Variants in GPC6 observed in about 807,000 individuals in gnomAD.
The protein encoded by GPC6 is glypican 6.
Under a neutral mutation model 55.2 loss-of-function variants are expected in GPC6, and 14 were observed. The observed-to-expected ratio is 0.25, with a 90% CI of 0.17 to 0.40. GPC6 has a LOEUF of 0.40. Ranked by LOEUF, GPC6 falls within the 10% of genes least tolerant of loss-of-function variation. GPC6 has a pLI of 1.00. For synonymous variants in GPC6, 278 were observed against 259.6 expected (o/e 1.07, Z -0.68); for missense variants, 641 against 708.5 (o/e 0.90, Z 1.08).
intron 4 of GPC6, among the ~76,000 whole-genome samples, chr13:94,065,694 G>A (rs1388832688): frequency 6.6e-6 from 1 of 152,138 alleles, no homozygotes; most frequent in African/African-American, 2.4e-5. Context: ...TTATAGTCCT[G>A]GTTCCAATGT....
intron 3 of GPC6, among the ~76,000 whole-genome samples, chr13:93,864,907 TA>T (rs1403212881): frequency 1.3e-5 from 2 of 151,724 alleles, no homozygotes; most frequent in Non-Finnish European, 2.9e-5. Context: ...TTTTACAGTG[TA>T]AAATCTCATG....
intron 1 of GPC6, among the ~76,000 whole-genome samples, chr13:93,375,175 C>T (rs1379230957): frequency 6.6e-6 from 1 of 152,116 alleles, no homozygotes; most frequent in Non-Finnish European, 1.5e-5. Context: ...CCTAATTATT[C>T]TTCTTGATGT....
At chr13:93,435,165 A>C (rs2139280164) in intron 1 of GPC6, among the ~76,000 whole-genome samples, 1 of 152,200 alleles carries the variant, frequency 6.6e-6, no homozygotes, top group Admixed American at 6.5e-5. Context: ...CCCAGGCTGG[A>C]GTGCAGTGGT....
chr13:93,691,940 C>T (rs2138781717), intron 2 of GPC6, among the ~76,000 whole-genome samples: 1 of 152,114 alleles, frequency 6.6e-6, no homozygotes, highest in Non-Finnish European at 1.5e-5. Context: ...AATATATATA[C>T]TTCAGTACCT....
chr13:93,676,126 A>AAAAATATATAT (rs1881602576), intron 2 of GPC6, among the ~76,000 whole-genome samples: 2 of 15,682 alleles, frequency 1.3e-4, no homozygotes, highest in East Asian at 1.5e-3. Context: ...AAAAAAAAAA[A>AAAAATATATAT]ATATATATAT....
chr13:93,635,467 A>G (rs75144425), intron 2 of GPC6, among the ~76,000 whole-genome samples: 134 of 152,320 alleles, frequency 8.8e-4, no homozygotes, highest in Non-Finnish European at 1.7e-3. Context: ...GTCTATTGCA[A>G]ATAGTATAAA....
chr13:93,565,966 G>A (rs957546835), intron 2 of GPC6, among the ~76,000 whole-genome samples: 12 of 151,832 alleles, frequency 7.9e-5, no homozygotes, highest in African/African-American at 2.7e-4. Flanking sequence ...AACACATCTG[G>A]TCACTATAGT....
At chr13:94,235,615 C>G (rs1462999448) in intron 4 of GPC6, among the ~76,000 whole-genome samples, 1 of 152,080 alleles carries the variant, frequency 6.6e-6, no homozygotes, top group Non-Finnish European at 1.5e-5. Context: ...TTTCTCTACC[C>G]TATGCCAAAA....
intron 2 of GPC6, among the ~76,000 whole-genome samples, chr13:93,723,426 T>C (rs756551017): frequency 1.3e-5 from 2 of 151,948 alleles, no homozygotes; most frequent in Non-Finnish European, 2.9e-5. Context: ...TCACTTCTAA[T>C]GAAGGATGTA....
intron 1 of GPC6, among the ~76,000 whole-genome samples, chr13:93,256,797 T>C (rs952593798): frequency 1.3e-5 from 2 of 152,308 alleles, no homozygotes; most frequent in African/African-American, 4.8e-5. Context: ...TCAAGGAGCT[T>C]ACTCTGTAGG....
intron 3 of GPC6, among the ~76,000 whole-genome samples, chr13:93,952,146 G>A (rs1167937921): frequency 6.6e-6 from 1 of 152,068 alleles, no homozygotes; most frequent in African/African-American, 2.4e-5. Context: ...TAGGAACACA[G>A]GAAACATCTG....
chr13:93,921,245 G>A (rs1594589412), intron 3 of GPC6, among the ~76,000 whole-genome samples: 4 of 152,276 alleles, frequency 2.6e-5, no homozygotes, highest in Admixed American at 2.6e-4. Flanking sequence ...CGGGCCAAGT[G>A]CTTTTTGGCT....
chr13:93,786,612 T>C (rs1236765249), intron 2 of GPC6, among the ~76,000 whole-genome samples: 1 of 151,348 alleles, frequency 6.6e-6, no homozygotes, highest in East Asian at 1.9e-4. Context: ...TTGTGAACCA[T>C]TAAAATGCAA....
At position 94,036,974 on chromosome 13, in the gene GPC6, C is replaced by T. The variant is rs560666397; in HGVS notation, c.877+9080C>T. Reference sequence around the variant, plus strand: ...CCTCTAGTTATTGTTAGATCAGTTTCGTCTTTAAAATAGTTGAGTGTTCCA... The same window carrying T: ...CCTCTAGTTATTGTTAGATCAGTTTTGTCTTTAAAATAGTTGAGTGTTCCA... On this transcript the variant is annotated intron_variant, in intron 4 of 8. Transcript: ENST00000377047. 9.2e-5 allele frequency among the ~76,000 whole-genome samples: 14 copies of T among 152,054 alleles called. No individual in the cohort carries two copies. The East Asian group carries it at 1.9e-3, about 21-fold the overall frequency.
At chr13:94,074,708 G>A (rs2138787373) in intron 4 of GPC6, among the ~76,000 whole-genome samples, 1 of 152,266 alleles carries the variant, frequency 6.6e-6, no homozygotes, top group South Asian at 2.1e-4. Context: ...GAAGCAATTA[G>A]GTAGAGGTCT....
intron 3 of GPC6, among the ~76,000 whole-genome samples, chr13:94,011,816 T>C (rs1037245819): frequency 1.3e-5 from 2 of 152,168 alleles, no homozygotes; most frequent in African/African-American, 2.4e-5. Flanking sequence ...CTGTTATTCT[T>C]CTGCTGTGGA....
At chr13:93,236,697 T>C (rs1168289810) in intron 1 of GPC6, among the ~76,000 whole-genome samples, 2 of 152,152 alleles carry the variant, frequency 1.3e-5, no homozygotes, top group Non-Finnish European at 1.5e-5. Flanking sequence ...CACCAATCCA[T>C]GGAAAAACTG....
chr13:94,186,212 A>G (rs1342907751), intron 4 of GPC6, among the ~76,000 whole-genome samples: 2 of 152,020 alleles, frequency 1.3e-5, no homozygotes, highest in Non-Finnish European at 2.9e-5. Flanking sequence ...TTACTCAGCA[A>G]TCTTTTAATA....
chr13:93,971,296 A>G (rs565198912), intron 3 of GPC6, among the ~76,000 whole-genome samples: 3 of 152,336 alleles, frequency 2.0e-5, no homozygotes, highest in East Asian at 3.9e-4. Flanking sequence ...GAGAATACTT[A>G]TATTCTCTAT....
Sources: allele counts gnomAD v4.1 joint callset (sites outside exome capture counted in the v4.1 genomes callset), GRCh38; gene constraint gnomAD v4.1.1; transcripts MANE v1.5; gene names NCBI Gene and HGNC (gene_info 2026-07-23, HGNC 2026-07-21).